Variants in YLPM1 observed in about 807,000 individuals in gnomAD.
YLPM1 encodes YLP motif containing 1.
YLPM1 carries 99 observed loss-of-function variants against 230.0 expected under a neutral mutation model. That is an observed-to-expected ratio of 0.43 (90% CI 0.37 to 0.51). The LOEUF (loss-of-function observed/expected upper bound fraction) is 0.51, where lower values mean the gene tolerates loss of function less well. Ranked by LOEUF, YLPM1 falls within the 20% of genes least tolerant of loss-of-function variation. The pLI, the probability that YLPM1 is intolerant of heterozygous loss-of-function variation, is 0.00. For missense variants in YLPM1, 2,592 were observed against 2,707.7 expected, an observed-to-expected ratio of 0.96 and a Z score of 0.95; for synonymous variants, 984 against 942.5, an observed-to-expected ratio of 1.04 and a Z score of -0.81.
In YLPM1 at chr14:74,817,025, C is replaced by T; in HGVS notation, c.5780C>T (p.Pro1927Leu). Residue 1927 changes from proline to leucine, a missense_variant, in exon 14 of 21, where the codon CCC (proline) becomes CTC (leucine). Pro to Leu is a moderately conservative substitution (Grantham distance 98, BLOSUM62 -3). Around this residue, in one of 4 missense-constraint regions of YLPM1, gnomAD observed 315 missense variants for 429.3 expected, o/e 0.73. Transcript: ENST00000325680. ...AAGACTCTGGATGATGGCTTTTTTC[C>T]CTTCATCATCCTGGATGCCATCAAT... ...FKKTLDDGFF[P>L]FIILDAINDR... is the part of the protein sequence containing the mutation. 2 of 1,611,254 alleles carry T rather than the reference C, an allele frequency of 1.2e-6. No homozygotes were observed.
In YLPM1 at chr14:74,798,973, T is replaced by G. The variant is rs2091295104; in HGVS notation, c.3676T>G (p.Tyr1226Asp). Residue 1226 changes from tyrosine to aspartate, a missense_variant, in exon 5 of 21, where the codon TAC (tyrosine) becomes GAC (aspartate). Coordinates refer to ENST00000325680, the MANE Select transcript of YLPM1 (RefSeq NM_019589.3). Reference protein sequence around the residue: ...ERLDDWDRERYWRECERDYQD... With the variant: ...ERLDDWDRERDWRECERDYQD... The stretch of plus-strand genomic sequence containing the variant: ...ACTCGATGACTGGGATAGAGAGAGA[T>G]ACTGGAGAGAATGTGAACGTGACTA... 2.5e-6 allele frequency: 4 copies of G among 1,613,812 alleles called. No individual in the cohort carries two copies. Among genetic ancestry groups the G allele is most frequent in the Non-Finnish European group, 3.4e-6 (4 of 1,179,836 alleles).
chr14:74,794,660 C>A (rs969345238), intron 4 of YLPM1, among the ~76,000 whole-genome samples: 1 of 151,938 alleles, frequency 6.6e-6, no homozygotes, highest in Non-Finnish European at 1.5e-5. Context: ...CACACTCCCT[C>A]TTTCATGTTC....
Position 74,802,542 on chromosome 14 carries a change from T to C in YLPM1, c.4401-14T>C. ...GCATGCTTTATGTACTATGTCAATT[T>C]TATTTGTTTGCAGGGAACAGAAAGA... On this transcript the variant is annotated splice_polypyrimidine_tract_variant and intron_variant, in intron 5 of 20. Coordinates refer to ENST00000325680, the MANE Select transcript of YLPM1 (RefSeq NM_019589.3). The C allele has an allele frequency of 6.2e-7, 1 of 1,607,242 alleles. No homozygotes were observed. The highest frequency in any genetic ancestry group is 8.5e-7 in the Non-Finnish European group (1 of 1,177,858).
Position 74,805,703 on chromosome 14 carries a change from A to G in YLPM1, c.4521+3027A>G, listed in dbSNP as rs371183597. Among the ~76,000 whole-genome samples, 10 of 137,126 alleles carry G rather than the reference A, an allele frequency of 7.3e-5. No individual in the cohort carries two copies. The East Asian group carries it at 2.2e-3, about 30-fold the overall frequency. 90.0% of individuals were successfully genotyped at this position (137,126 alleles called of 152,430 possible). On this transcript the variant is annotated intron_variant, in intron 6 of 20. Coordinates refer to ENST00000325680, the MANE Select transcript of YLPM1 (RefSeq NM_019589.3). ...GACACTTCAGTCAAAGAATAAGCAT[A>G]CTTTTTTTTTTTTTTTTTGAAACGG...
chr14:74,818,362 C>T (rs757327273), intron 16 of YLPM1, 48 bp downstream of exon 16: 9 of 1,486,420 alleles, frequency 6.1e-6, no homozygotes, highest in Non-Finnish European at 7.2e-6. Flanking sequence ...GTTACTTTTT[C>T]ACCTTTTTAC....
At chr14:74,782,448 T>C (rs2091105636) in intron 4 of YLPM1, 123 bp downstream of exon 4, 1 of 1,168,012 alleles carries the variant, frequency 8.6e-7, no homozygotes, top group Non-Finnish European at 1.1e-6. Context: ...GTACTTATAT[T>C]GTCTGCTTGT....
At position 74,763,759 on chromosome 14, in the gene YLPM1, A is replaced by G; in HGVS notation, c.270A>G (p.Pro90=). The G allele has an allele frequency of 6.6e-7, 1 of 1,508,274 alleles. No homozygotes were observed. Among genetic ancestry groups the G allele is most frequent in the Non-Finnish European group, 8.9e-7 (1 of 1,129,044 alleles). 93.4% of individuals were successfully genotyped at this position (1,508,274 alleles called of 1,614,324 possible). Residue 90 remains proline (P), a synonymous_variant, in exon 1 of 21, where the codon CCA becomes CCG. Transcript: ENST00000325680. ...HLPPPPLPPP[P]VMPGGGYGDW... Reference sequence around the variant, plus strand: ...CTCCGCCCCCTCTGCCGCCCCCGCCAGTGATGCCGGGGGGCGGCTACGGAG... The same window carrying G: ...CTCCGCCCCCTCTGCCGCCCCCGCCGGTGATGCCGGGGGGCGGCTACGGAG...
intron 1 of YLPM1, among the ~76,000 whole-genome samples, chr14:74,767,136 C>A (rs747209414): frequency 5.3e-5 from 8 of 152,098 alleles, no homozygotes; most frequent in Non-Finnish European, 1.0e-4. Context: ...GCTGCCTTGG[C>A]CTCCCAAAGT....
Position 74,763,810 on chromosome 14 carries a change from GC to G in YLPM1, c.326del (p.Pro109ArgfsTer110), listed in dbSNP as rs1566732377. 2.0e-6 allele frequency: 3 copies of G among 1,499,592 alleles called. No homozygotes were observed. The highest frequency in any genetic ancestry group is 2.7e-6 in the Non-Finnish European group (3 of 1,123,836). The allele number at this position is 1,499,592 out of a possible 1,614,324, so 92.9% of individuals were successfully genotyped here. A position where few individuals can be genotyped will look rare whatever the true frequency, so the allele number is the denominator to read the frequency against. On this transcript the variant is annotated frameshift_variant, in exon 1 of 21. Transcript: ENST00000325680. LOFTEE classifies it high-confidence loss of function. ...GDWQPPPPPM[P>X]PPPGPALSYQ... is the part of the protein sequence containing the mutation. Reference sequence around the variant, plus strand: ...ACTGGCAGCCGCCACCGCCACCGATGCCCCCGCCACCCGGGCCGGCCCTCAG... The same window carrying G: ...ACTGGCAGCCGCCACCGCCACCGATGCCCCGCCACCCGGGCCGGCCCTCAG...
At chr14:74,822,181 A>G (rs1566765613) in intron 17 of YLPM1, 1 of 152,182 alleles carries the variant, frequency 6.6e-6, no homozygotes, top group Non-Finnish European at 1.5e-5. Flanking sequence ...TTTGGCATAT[A>G]TAATTTAAAA....
intron 4 of YLPM1, among the ~76,000 whole-genome samples, chr14:74,785,900 A>G (rs1331694334): frequency 6.6e-6 from 1 of 152,214 alleles, no homozygotes. Flanking sequence ...TGTGTATATC[A>G]TTGGATTCAC....
rs184720384 is a variant in YLPM1 at position 74,813,170 on chromosome 14, A to G, written c.5502+388A>G. Among the ~76,000 whole-genome samples, 195 of 152,346 alleles carry G rather than the reference A, an allele frequency of 1.3e-3. 1 individual carries two copies. The highest frequency in any genetic ancestry group is 4.6e-3 in the African/African-American group (193 of 41,580). ...CGCATTCTATTAAATTTGTCTTATT[A>G]CAGAATAATTAGACTGACTCCATTT... On this transcript the variant is annotated intron_variant, in intron 11 of 20. Coordinates refer to ENST00000325680, the MANE Select transcript of YLPM1 (RefSeq NM_019589.3).
rs1301255908 is a variant in YLPM1 at position 74,836,056 on chromosome 14, C to G, written c.*318C>G. The G allele has an allele frequency of 3.0e-6, 1 of 338,068 alleles. No homozygotes were observed. Among genetic ancestry groups the G allele is most frequent in the South Asian group, 2.3e-5 (1 of 42,640 alleles). The allele number at this position is 338,068 out of a possible 1,614,324, so 20.9% of individuals were successfully genotyped here. On this transcript the variant is annotated 3_prime_UTR_variant, in exon 21 of 21. Transcript: ENST00000325680. ...GAGTATTTCCTCCACTGTACAATGTCACAGACTATCTCTATCATCATTGCT... is the reference window on the plus strand; with the variant it reads ...GAGTATTTCCTCCACTGTACAATGTGACAGACTATCTCTATCATCATTGCT...
Position 74,763,336 on chromosome 14 carries a change from C to T in YLPM1, c.-154C>T, listed in dbSNP as rs1414219213. 2.2e-6 allele frequency: 2 copies of T among 922,568 alleles called. No homozygotes were observed. The highest frequency in any genetic ancestry group is 4.0e-5 in the South Asian group (1 of 24,964). The allele number at this position is 922,568 out of a possible 1,614,324, so 57.1% of individuals were successfully genotyped here. A position where few individuals can be genotyped will look rare whatever the true frequency, so the allele number is the denominator to read the frequency against. On this transcript the variant is annotated 5_prime_UTR_variant, in exon 1 of 21. Transcript: ENST00000325680. ...CCCGCCTTCCCGGTCGCGGGCCCAGCTCGGGAGCGCCGGCGCACTGGCGCG... is the reference window on the plus strand; with the variant it reads ...CCCGCCTTCCCGGTCGCGGGCCCAGTTCGGGAGCGCCGGCGCACTGGCGCG...
At chr14:74,818,908 T>C (rs1303327445) in intron 16 of YLPM1, among the ~76,000 whole-genome samples, 1 of 127,358 alleles carries the variant, frequency 7.9e-6, no homozygotes, top group Non-Finnish European at 1.9e-5. Context: ...AATTTGAATT[T>C]GTCTGTTTGT....
intron 1 of YLPM1, among the ~76,000 whole-genome samples, chr14:74,767,900 A>G (rs536648334): frequency 1.3e-5 from 2 of 151,264 alleles, no homozygotes; most frequent in South Asian, 4.2e-4. Context: ...TGCATTCCTC[A>G]TGGGACACCC....
chr14:74,817,460 T>C (rs1233240135), intron 15 of YLPM1, among the ~76,000 whole-genome samples, 183 bp downstream of exon 15: 1 of 152,222 alleles, frequency 6.6e-6, no homozygotes, highest in African/African-American at 2.4e-5. Context: ...GCCTACAGTA[T>C]TCAGTACATT....
intron 6 of YLPM1, among the ~76,000 whole-genome samples, chr14:74,805,666 G>A (rs1171173451): frequency 1.3e-5 from 2 of 150,516 alleles, no homozygotes; most frequent in African/African-American, 4.9e-5. Flanking sequence ...TGATTTTAAC[G>A]TCCCAAAGTG....
chr14:74,785,144 G>A (rs1327713609), intron 4 of YLPM1, among the ~76,000 whole-genome samples: 1 of 152,056 alleles, frequency 6.6e-6, no homozygotes, highest in Non-Finnish European at 1.5e-5. Flanking sequence ...TCCTGAACTT[G>A]TGTGGTTGGT....
Sources: gnomAD v4.1 joint callset for allele counts (sites outside exome capture counted in the v4.1 genomes callset) on GRCh38, gnomAD v4.1.1 for gene constraint, gnomAD v4.1.1 regional missense constraint, MANE v1.5 for transcripts, NCBI Gene and HGNC (gene_info 2026-07-23, HGNC 2026-07-21) for gene names.